Variants in KATNAL2 observed in about 807,000 individuals in gnomAD.
KATNAL2 encodes the protein katanin catalytic subunit A1 like 2, also known as katanin p60 ATPase-containing subunit A-like 2.
Under a neutral mutation model 76.3 loss-of-function variants are expected in KATNAL2, and 52 were observed. The observed-to-expected ratio is 0.68, with a 90% CI of 0.55 to 0.86. KATNAL2 has a LOEUF of 0.86. Ranked by LOEUF, KATNAL2 falls within the 40% of genes least tolerant of loss-of-function variation. KATNAL2 has a pLI of 0.00. For synonymous variants in KATNAL2, 243 were observed against 244.2 expected (o/e 1.00, Z 0.05); for missense variants, 660 against 668.9 (o/e 0.99, Z 0.15).
intron 3 of KATNAL2, chr18:47,035,254 C>G: frequency 1.9e-6 from 3 of 1,612,756 alleles, no homozygotes; most frequent in Non-Finnish European, 2.5e-6. Context: ...CGTAGTGGAC[C>G]CTGCCGCCAT....
intron 15 of KATNAL2, among the ~76,000 whole-genome samples, chr18:47,080,845 CT>C (rs1742464140): frequency 2.0e-5 from 3 of 152,266 alleles, no homozygotes; most frequent in South Asian, 2.1e-4. Context: ...GGAGAAATGT[CT>C]TTTCAAATCC....
chr18:46,923,037 T>C (rs867460443), intron 1 of KATNAL2, among the ~76,000 whole-genome samples: 45 of 150,062 alleles, frequency 3.0e-4, no homozygotes, highest in Middle Eastern at 7.0e-3. Context: ...TTTAGACCTT[T>C]AGTAAGATCT....
At chr18:47,051,252 C>T (rs56299848) in intron 4 of KATNAL2, among the ~76,000 whole-genome samples, 6 of 151,826 alleles carry the variant, frequency 4.0e-5, no homozygotes, top group Non-Finnish European at 8.8e-5. Context: ...ACAGCAAGAC[C>T]GCATCTCTAC....
At chr18:47,090,673 G>A (rs1214303999) in intron 15 of KATNAL2, among the ~76,000 whole-genome samples, 1 of 152,186 alleles carries the variant, frequency 6.6e-6, no homozygotes, top group African/African-American at 2.4e-5. Flanking sequence ...GAGGTAGAGA[G>A]CACTTGATCT....
In KATNAL2 at chr18:47,092,532, T is replaced by C. The variant is rs574211658; in HGVS notation, c.1212-6711T>C. On this transcript the variant is annotated intron_variant, in intron 15 of 17. Coordinates refer to ENST00000683218, the MANE Select transcript of KATNAL2 (RefSeq NM_001387690.1). The stretch of plus-strand genomic sequence containing the variant: ...AAAAAAATCCCTTCTCTCCTTTTTT[T>C]CTTTTCTCCCCCATCACTTCACCTT... 5.3e-5 allele frequency among the ~76,000 whole-genome samples: 8 copies of C among 152,282 alleles called. No homozygotes were observed. In the South Asian group the frequency reaches 1.7e-3, roughly 32 times the overall value.
At chr18:46,931,683 A>G (rs1238017785) in intron 1 of KATNAL2, among the ~76,000 whole-genome samples, 1 of 150,296 alleles carries the variant, frequency 6.7e-6, no homozygotes, top group African/African-American at 2.5e-5. Flanking sequence ...AGAGAAAGAA[A>G]GAAAGAGGAA....
In KATNAL2 at chr18:46,917,854, A is replaced by C. The variant is rs532612988; in HGVS notation, c.-582A>C. The C allele has an allele frequency of 6.6e-6, 1 of 152,424 alleles. No homozygotes were observed. Among genetic ancestry groups the C allele is most frequent in the East Asian group, 1.9e-4 (1 of 5,172 alleles). The allele number at this position is 152,424 out of a possible 1,614,324, so 9.4% of individuals were successfully genotyped here. ...GGTGCCCTTCACGCGGTGCCTATGGACGGAGAAAGCCGCCGCAAATAAAAC... is the reference window on the plus strand; with the variant it reads ...GGTGCCCTTCACGCGGTGCCTATGGCCGGAGAAAGCCGCCGCAAATAAAAC... On this transcript the variant is annotated 5_prime_UTR_variant, in exon 1 of 18. Coordinates refer to ENST00000683218, the MANE Select transcript of KATNAL2 (RefSeq NM_001387690.1).
At chr18:46,953,820 G>A (rs574264827) in intron 3 of KATNAL2, among the ~76,000 whole-genome samples, 10 of 152,210 alleles carry the variant, frequency 6.6e-5, no homozygotes, top group East Asian at 5.8e-4. Context: ...TGTTTTAGAG[G>A]AGGCTTGTCT....
intron 1 of KATNAL2, among the ~76,000 whole-genome samples, chr18:46,932,555 G>T (rs76740938): frequency 1.3e-5 from 2 of 149,722 alleles, no homozygotes; most frequent in South Asian, 2.1e-4. Context: ...GCGCCTGTAT[G>T]CACCGCCACT....
At chr18:47,032,196 G>A (rs576627872) in intron 3 of KATNAL2, among the ~76,000 whole-genome samples, 2 of 152,258 alleles carry the variant, frequency 1.3e-5, no homozygotes, top group African/African-American at 4.8e-5. Context: ...CTTAACGCAT[G>A]TACCAGTGAT....
intron 10 of KATNAL2, 133 bp from the exon 11 acceptor site, chr18:47,066,888 T>TATATATACATACACAC (rs11281082): frequency 4.0e-5 from 3 of 75,840 alleles, no homozygotes; most frequent in African/African-American, 8.8e-5. Flanking sequence ...TATATATATA[T>TATATATACATACACAC]ATATAATATG....
At chr18:46,918,828 G>A (rs998622046) in intron 1 of KATNAL2, among the ~76,000 whole-genome samples, 20 of 152,010 alleles carry the variant, frequency 1.3e-4, no homozygotes, top group African/African-American at 4.6e-4. Flanking sequence ...TTCACTTTAA[G>A]TGTCACTTCC....
intron 3 of KATNAL2, among the ~76,000 whole-genome samples, chr18:47,031,761 A>G (rs1026885424): frequency 6.6e-6 from 1 of 152,016 alleles, no homozygotes; most frequent in Non-Finnish European, 1.5e-5. Context: ...TAGGGCCTTG[A>G]GCCTCCCCAC....
intron 3 of KATNAL2, among the ~76,000 whole-genome samples, chr18:47,025,266 A>C (rs2060274136): frequency 7.7e-6 from 1 of 129,930 alleles, no homozygotes; most frequent in Admixed American, 8.6e-5. Context: ...CTTGGAAGAA[A>C]TGCTTCAGGA....
At chr18:47,098,050 T>C (rs1051854882) in intron 15 of KATNAL2, 7 of 159,948 alleles carry the variant, frequency 4.4e-5, no homozygotes, top group African/African-American at 1.7e-4. Context: ...ATAAATTACT[T>C]TGAAATAATT....
At chr18:47,087,852 G>GT (rs985982824) in intron 15 of KATNAL2, among the ~76,000 whole-genome samples, 9 of 151,494 alleles carry the variant, frequency 5.9e-5, no homozygotes, top group African/African-American at 1.7e-4. Context: ...TCTATGGCCT[G>GT]TTTTTTTTCC....
intron 10 of KATNAL2, among the ~76,000 whole-genome samples, 175 bp from the exon 11 acceptor site, chr18:47,066,846 T>TC (rs746487725): frequency 3.2e-5 from 2 of 61,616 alleles, no homozygotes; most frequent in Non-Finnish European, 6.3e-5. Flanking sequence ...TATATATGTG[T>TC]TTATATATAT....
At chr18:47,074,101 A>C (rs1385239694) in intron 13 of KATNAL2, among the ~76,000 whole-genome samples, 1 of 152,200 alleles carries the variant, frequency 6.6e-6, no homozygotes, top group Non-Finnish European at 1.5e-5. Context: ...ACAAGGACGG[A>C]AAGTTATTTG....
intron 3 of KATNAL2, among the ~76,000 whole-genome samples, chr18:46,957,814 G>A (rs917714024): frequency 2.6e-5 from 4 of 151,830 alleles, no homozygotes; most frequent in African/African-American, 9.7e-5. Flanking sequence ...TGCCGGCCTC[G>A]GCCTCCCAAA....
Sources: allele counts gnomAD v4.1 joint callset (sites outside exome capture counted in the v4.1 genomes callset), GRCh38; gene constraint gnomAD v4.1.1; transcripts MANE v1.5; gene names NCBI Gene and HGNC (gene_info 2026-07-23, HGNC 2026-07-21).